The following CFAP276 variants were observed in gnomAD, a reference collection of about 807,000 sequenced individuals.
The protein encoded by CFAP276 is cilia- and flagella-associated protein 276.
At chr1:109,112,381 C>T in the CFAP276 span, among the ~76,000 whole-genome samples, 1 of 152,210 alleles carries the variant, frequency 6.6e-6, no homozygotes, top group Non-Finnish European at 1.5e-5. Context: ...CCCCTTGTTC[C>T]TCTAGACTAG....
chr1:109,113,802 T>C, the CFAP276 span: 4 of 1,043,286 alleles, frequency 3.8e-6, no homozygotes, highest in Non-Finnish European at 5.7e-6. Context: ...TTCCACTGTG[T>C]TCTTCACACG....
chr1:109,110,445 A>T, the CFAP276 span, among the ~76,000 whole-genome samples: 1 of 152,018 alleles, frequency 6.6e-6, no homozygotes, highest in African/African-American at 2.4e-5. Flanking sequence ...TCCAGGCCTG[A>T]TCTTATTTGA....
chr1:109,109,197 C>T, the CFAP276 span, among the ~76,000 whole-genome samples: 2 of 152,130 alleles, frequency 1.3e-5, no homozygotes, highest in African/African-American at 4.8e-5. Flanking sequence ...CCCTGTAATC[C>T]CAGCACTTTG....
chr1:109,111,828 T>C, the CFAP276 span, among the ~76,000 whole-genome samples: 1 of 152,218 alleles, frequency 6.6e-6, no homozygotes, highest in Non-Finnish European at 1.5e-5. Flanking sequence ...TTTAAGTTCC[T>C]GGTTCTCACG....
At chr1:109,113,441 AGAGAGAGAGAGAGAGAGAGAGAGAGAGG>A in the CFAP276 span, among the ~76,000 whole-genome samples, 1 of 144,022 alleles carries the variant, frequency 6.9e-6, no homozygotes, top group African/African-American at 2.6e-5. Context: ...AGAGAGAGAG[AGAGAGAGAGAGAGAGAGAGAGAGAGAGG>A]CCCACGTGCG....
chr1:109,109,661 C>T, the CFAP276 span, among the ~76,000 whole-genome samples: 14 of 150,644 alleles, frequency 9.3e-5, no homozygotes, highest in African/African-American at 2.0e-4. Flanking sequence ...CTTAGCCTCC[C>T]GAATAGCTAG....
the CFAP276 span, chr1:109,112,712 G>C: frequency 7.8e-6 from 12 of 1,547,932 alleles, no homozygotes; most frequent in South Asian, 1.4e-4. Flanking sequence ...AGAGGGATGG[G>C]AGGCCCGCTC....
the CFAP276 span, chr1:109,106,085 A>T: frequency 3.0e-5 from 48 of 1,613,338 alleles, no homozygotes; most frequent in Non-Finnish European, 3.6e-5. Flanking sequence ...TGGTGGCTGC[A>T]GTGTGAGGGG....
the CFAP276 span, chr1:109,107,078 GT>G: frequency 6.2e-7 from 1 of 1,614,156 alleles, no homozygotes; most frequent in Non-Finnish European, 8.5e-7. Flanking sequence ...CAGTGTGGTG[GT>G]TGTACAAGGC....
At chr1:109,111,259 G>T in the CFAP276 span, among the ~76,000 whole-genome samples, 1 of 152,168 alleles carries the variant, frequency 6.6e-6, no homozygotes, top group South Asian at 2.1e-4. Flanking sequence ...TTGAGGCTAG[G>T]AGTTTGAGAC....
At chr1:109,110,390 T>C in the CFAP276 span, among the ~76,000 whole-genome samples, 1 of 152,230 alleles carries the variant, frequency 6.6e-6, no homozygotes, top group South Asian at 2.1e-4. Context: ...AAAACTGCTC[T>C]TGCTAGTTAT....
chr1:109,109,533 CTTTTT>C, the CFAP276 span, among the ~76,000 whole-genome samples: 1,125 of 114,922 alleles, frequency 9.8e-3, 11 homozygotes, highest in African/African-American at 0.04. Context: ...TGAGCCATAC[CTTTTT>C]TTTTTTTTTT....
chr1:109,113,392 CAGAGAGAGAGAGAGAGAGAGAGAA>C, the CFAP276 span, among the ~76,000 whole-genome samples: 3 of 91,414 alleles, frequency 3.3e-5, 1 homozygote, highest in South Asian at 6.6e-4. Context: ...GACCCTGTCT[CAGAGAGAGAGAGAGAGAGAGAGAA>C]AGAGAGAGAG....
the CFAP276 span, chr1:109,107,794 C>T: frequency 2.8e-6 from 2 of 702,800 alleles, no homozygotes; most frequent in African/African-American, 3.6e-5. Context: ...AGGAGGATTG[C>T]CTGAGCCTGG....
chr1:109,106,580 T>A, the CFAP276 span: 2 of 1,614,108 alleles, frequency 1.2e-6, no homozygotes, highest in South Asian at 1.1e-5. Context: ...TTAGGGTTGA[T>A]CCAGTGTCTG....
At chr1:109,109,355 G>T in the CFAP276 span, among the ~76,000 whole-genome samples, 2 of 151,412 alleles carry the variant, frequency 1.3e-5, no homozygotes, top group African/African-American at 4.9e-5. Context: ...GGCTGAGGAG[G>T]GAGAATCGCT....
At chr1:109,107,025 G>T in the CFAP276 span, 5 of 1,614,012 alleles carry the variant, frequency 3.1e-6, no homozygotes, top group Non-Finnish European at 4.2e-6. Context: ...ATCCTGCGTG[G>T]TTTTCTGGTT....
the CFAP276 span, chr1:109,113,825 G>T: frequency 1.3e-6 from 1 of 790,860 alleles, no homozygotes; most frequent in Non-Finnish European, 1.9e-6. Context: ...CCCCGGGCCT[G>T]CCTGTTGGGC....
chr1:109,112,308 G>T, the CFAP276 span, among the ~76,000 whole-genome samples: 1 of 152,194 alleles, frequency 6.6e-6, no homozygotes, highest in African/African-American at 2.4e-5. Context: ...AGGGAAATGG[G>T]TAGCTTGAAG....
Sources: allele counts gnomAD v4.1 joint callset (sites outside exome capture counted in the v4.1 genomes callset), GRCh38; gene constraint gnomAD v4.1.1; transcripts MANE v1.5; gene names NCBI Gene and HGNC (gene_info 2026-07-23, HGNC 2026-07-21).